The following DESI1 variants were observed in gnomAD, a reference collection of about 807,000 sequenced individuals.
DESI1 encodes desumoylating isopeptidase 1.
In DESI1, 17 loss-of-function variants were observed where a neutral mutation model predicts 22.4. That is an observed-to-expected ratio of 0.76 (90% confidence interval 0.52 to 1.14). DESI1 has a LOEUF of 1.14. DESI1 is among the 50% of genes most tolerant of loss of function. The probability of loss-of-function intolerance (pLI) is 0.00; values close to 1 mark genes in which losing one functional copy is unlikely to be tolerated. For synonymous variants in DESI1, 92 were observed against 84.2 expected (o/e 1.09, Z -0.51); for missense variants, 177 against 208.9 (o/e 0.85, Z 0.94).
At chr22:41,614,899 T>C (rs2067540925) in intron 1 of DESI1, among the ~76,000 whole-genome samples, 1 of 122,294 alleles carries the variant, frequency 8.2e-6, no homozygotes, top group Non-Finnish European at 1.6e-5. Context: ...TTTCTTCTTC[T>C]TTTTTTTTTT....
At chr22:41,612,372 G>A (rs1374551116) in intron 1 of DESI1, among the ~76,000 whole-genome samples, 1 of 151,982 alleles carries the variant, frequency 6.6e-6, no homozygotes, top group Non-Finnish European at 1.5e-5. Context: ...AGCCAGGCAT[G>A]GTGGCACACA....
chr22:41,607,775 C>G, intron 2 of DESI1, 65 bp downstream of exon 2: 3 of 1,588,088 alleles, frequency 1.9e-6, no homozygotes, highest in Non-Finnish European at 1.7e-6. Context: ...AGACTAGAAC[C>G]TGAAATGCAT....
chr22:41,603,474 C>G, intron 4 of DESI1, 93 bp from the exon 5 acceptor site: 1 of 1,569,932 alleles, frequency 6.4e-7, no homozygotes, highest in South Asian at 1.2e-5. Flanking sequence ...GTGAGCACAG[C>G]TCAATGTGAG....
At chr22:41,619,139 T>C (rs944829892) in intron 1 of DESI1, among the ~76,000 whole-genome samples, 9 of 152,172 alleles carry the variant, frequency 5.9e-5, no homozygotes, top group Admixed American at 4.6e-4. Flanking sequence ...TCAGTGACTT[T>C]GTAAGTTTTG....
At chr22:41,614,630 G>C (rs2067538904) in intron 1 of DESI1, among the ~76,000 whole-genome samples, 2 of 110,360 alleles carry the variant, frequency 1.8e-5, no homozygotes, top group South Asian at 2.9e-4. Flanking sequence ...TATCACCCAG[G>C]CTGAAGTGCA....
chr22:41,606,091 C>T (rs547665573), intron 3 of DESI1, among the ~76,000 whole-genome samples: 2 of 152,190 alleles, frequency 1.3e-5, no homozygotes, highest in Admixed American at 6.5e-5. Context: ...GCTGAGTTTT[C>T]TGGCTTTTAT....
chr22:41,603,834 G>A (rs993460683), intron 4 of DESI1, among the ~76,000 whole-genome samples: 8 of 152,156 alleles, frequency 5.3e-5, no homozygotes, highest in Non-Finnish European at 7.3e-5. Context: ...TAAAAATTTC[G>A]GCAGAAAGTA....
At chr22:41,614,900 T>C (rs1365792150) in intron 1 of DESI1, among the ~76,000 whole-genome samples, 2 of 149,318 alleles carry the variant, frequency 1.3e-5, no homozygotes. Flanking sequence ...TTCTTCTTCT[T>C]TTTTTTTTTT....
chr22:41,609,010 C>T (rs749155703), intron 1 of DESI1, among the ~76,000 whole-genome samples: 2 of 152,164 alleles, frequency 1.3e-5, no homozygotes, highest in African/African-American at 4.8e-5. Context: ...GACGTGATCT[C>T]GGCTCATTGC....
chr22:41,599,495 A>G lies in DESI1; in HGVS notation c.*1602T>C, dbSNP rs1395830202. On this transcript the variant is annotated 3_prime_UTR_variant, in exon 6 of 6. Coordinates refer to ENST00000263256, the MANE Select transcript of DESI1 (RefSeq NM_015704.3). ...GAAATAACGTGTGCCTTCAAAACAC[A>G]TTTAGGATAAGGGAAAGTCCCTATC... is the stretch of plus-strand genomic sequence containing the variant. 3 of 152,200 alleles carry G rather than the reference A, an allele frequency of 2.0e-5. No homozygotes were observed. Among genetic ancestry groups the G allele is most frequent in the Admixed American group, 1.3e-4 (2 of 15,276 alleles). The allele number at this position is 152,200 out of a possible 1,614,324, so 9.4% of individuals were successfully genotyped here. A position where few individuals can be genotyped will look rare whatever the true frequency, so the allele number is the denominator to read the frequency against.
intron 1 of DESI1, among the ~76,000 whole-genome samples, chr22:41,616,518 C>T (rs1446616117): frequency 1.7e-5 from 2 of 116,678 alleles, no homozygotes; most frequent in African/African-American, 3.6e-5. Flanking sequence ...CTTCTTACCA[C>T]AATTAAAACA....
At chr22:41,603,969 TG>T in intron 4 of DESI1, 74 bp downstream of exon 4, 1 of 1,342,248 alleles carries the variant, frequency 7.5e-7, no homozygotes, top group Non-Finnish European at 1.0e-6. Context: ...TGATATGACA[TG>T]GCAGCTGCCT....
At chr22:41,612,262 G>A (rs112619606) in intron 1 of DESI1, among the ~76,000 whole-genome samples, 10,172 of 151,978 alleles carry the variant, frequency 0.067, 1,099 homozygotes, top group African/African-American at 0.23. Flanking sequence ...TAATCCGAGC[G>A]CTTTGGGAGG....
intron 3 of DESI1, among the ~76,000 whole-genome samples, chr22:41,606,556 G>A (rs928716150): frequency 4.6e-5 from 7 of 151,828 alleles, no homozygotes; most frequent in Admixed American, 6.6e-5. Flanking sequence ...GGCTAATCAC[G>A]AGGTCAGAAG....
At chr22:41,615,500 A>C (rs561907999) in intron 1 of DESI1, among the ~76,000 whole-genome samples, 40 of 152,338 alleles carry the variant, frequency 2.6e-4, no homozygotes, top group Non-Finnish European at 5.1e-4. Context: ...TTTGCCTTAA[A>C]GAAATTGAAT....
Position 41,620,944 on chromosome 22 carries a change from C to G in DESI1, c.-105G>C. On this transcript the variant is annotated 5_prime_UTR_variant, in exon 1 of 6. Coordinates refer to ENST00000263256, the MANE Select transcript of DESI1 (RefSeq NM_015704.3). ...GCGAAGCGGAGGGAGAGGGGGGGACCGAGCCCGGGCCCGGGCTGAGGGGTG... is the reference window on the plus strand; with the variant it reads ...GCGAAGCGGAGGGAGAGGGGGGGACGGAGCCCGGGCCCGGGCTGAGGGGTG... 1 of 1,279,814 alleles carries G rather than the reference C, an allele frequency of 7.8e-7. No individual in the cohort carries two copies. The highest frequency in any genetic ancestry group is 1.1e-6 in the Non-Finnish European group (1 of 922,984). The allele number at this position is 1,279,814 out of a possible 1,614,324, so 79.3% of individuals were successfully genotyped here.
At chr22:41,615,799 T>C (rs544498207) in intron 1 of DESI1, among the ~76,000 whole-genome samples, 11 of 152,266 alleles carry the variant, frequency 7.2e-5, no homozygotes, top group Non-Finnish European at 1.5e-4. Context: ...CAGCTCACCA[T>C]GGCCTCTCTT....
chr22:41,610,600 G>C (rs1037718649), intron 1 of DESI1, among the ~76,000 whole-genome samples: 2 of 152,072 alleles, frequency 1.3e-5, no homozygotes, highest in Non-Finnish European at 2.9e-5. Context: ...TTTTCACCAA[G>C]AGATCTGCTG....
At chr22:41,613,597 T>C (rs1209402784) in intron 1 of DESI1, among the ~76,000 whole-genome samples, 2 of 152,236 alleles carry the variant, frequency 1.3e-5, no homozygotes, top group Non-Finnish European at 2.9e-5. Flanking sequence ...CTGTTCTGTT[T>C]AGTTAGCTTT....
Sources: gnomAD v4.1 joint callset for allele counts (sites outside exome capture counted in the v4.1 genomes callset) on GRCh38, gnomAD v4.1.1 for gene constraint, MANE v1.5 for transcripts, NCBI Gene and HGNC (gene_info 2026-07-23, HGNC 2026-07-21) for gene names.